Variants in PRDM2 observed in about 807,000 individuals in gnomAD.
PRDM2 encodes the protein PR/SET domain 2, also known as PR domain zinc finger protein 2.
A neutral mutation model predicts 130.0 loss-of-function variants in PRDM2; 30 were observed. The ratio of observed to expected loss-of-function variants is 0.23; its 90% CI spans 0.17 to 0.31. The LOEUF (loss-of-function observed/expected upper bound fraction) is 0.31, where lower values mean the gene tolerates loss of function less well. PRDM2 is among the 10% of genes least tolerant of loss of function. The pLI, the probability that PRDM2 is intolerant of heterozygous loss-of-function variation, is 1.00. For synonymous variants in PRDM2, 871 were observed against 782.4 expected (o/e 1.11, Z -1.89); for missense variants, 2,011 against 2,108.4 (o/e 0.95, Z 0.90).
In PRDM2 at chr1:13,735,730, C is replaced by G. The variant is rs75776247; in HGVS notation, c.231+2848C>G. Among the ~76,000 whole-genome samples, 329 of 152,212 alleles carry G rather than the reference C, an allele frequency of 2.2e-3. 7 individuals carry two copies. In the South Asian group the frequency reaches 0.048, roughly 22 times the overall value. ...ACCTGCACTGACATATCATTATTACCCAAAGTCCATAGTTTACATTAGCGG... is the reference window on the plus strand; with the variant it reads ...ACCTGCACTGACATATCATTATTACGCAAAGTCCATAGTTTACATTAGCGG... On this transcript the variant is annotated intron_variant, in intron 4 of 9. Transcript: ENST00000311066.
At position 13,749,501 on chromosome 1, in the gene PRDM2, GGCCCGCCC is replaced by G. The variant is rs775610644; in HGVS notation, c.511+20_511+27del. On this transcript the variant is annotated intron_variant, in intron 6 of 9. Coordinates refer to ENST00000311066, the MANE Select transcript of PRDM2 (RefSeq NM_001393986.1). ...AGAGCCGGAAAGGTAGGAGCCCCCCGGCCCGCCCGCCCGGCCCCGGCGCCACGCCCGCC... is the reference window on the plus strand; with the variant it reads ...AGAGCCGGAAAGGTAGGAGCCCCCCGGCCCGGCCCCGGCGCCACGCCCGCC... 8.0e-5 allele frequency: 108 copies of G among 1,344,794 alleles called. 2 individuals are homozygous for G. Among genetic ancestry groups the G allele is most frequent in the Non-Finnish European group, 6.1e-5 (62 of 1,024,392 alleles). The allele number at this position is 1,344,794 out of a possible 1,614,324, so 83.3% of individuals were successfully genotyped here. A position where few individuals can be genotyped will look rare whatever the true frequency, so the allele number is the denominator to read the frequency against.
chr1:13,782,448 C>G lies in PRDM2; in HGVS notation c.4653C>G (p.Phe1551Leu). Residue 1551 changes from phenylalanine to leucine, a missense_variant, in exon 8 of 10, where the codon TTC becomes TTG. Phe to Leu is a conservative substitution (Grantham distance 22). Transcript: ENST00000311066. Reference sequence around the variant, plus strand: ...AAGTCCCACTTCCCTCCTCATCCTTCAGGTCCAAGCAGAACGTCAAGTTTG... The same window carrying G: ...AAGTCCCACTTCCCTCCTCATCCTTGAGGTCCAAGCAGAACGTCAAGTTTG... ...PTQVPLPSSSFRSKQNVKFAA... is the reference protein window; with the variant it reads ...PTQVPLPSSSLRSKQNVKFAA... 1.2e-6 allele frequency: 2 copies of G among 1,614,076 alleles called. No homozygotes were observed. The highest frequency in any genetic ancestry group is 8.5e-7 in the Non-Finnish European group (1 of 1,180,028).
In PRDM2 at chr1:13,700,261, C is replaced by T; in HGVS notation, c.-105C>T. ...GCCGGCGAAACAGCGGCGGCGGCGG[C>T]GGCCCTCGGTGCTCTGAGGCGCTGG... On this transcript the variant is annotated 5_prime_UTR_variant, in exon 1 of 10. Coordinates refer to ENST00000311066, the MANE Select transcript of PRDM2 (RefSeq NM_001393986.1). 6.6e-6 allele frequency: 1 copy of T among 151,184 alleles called. No individual in the cohort carries two copies. The highest frequency in any genetic ancestry group is 1.5e-5 in the Non-Finnish European group (1 of 67,646). 9.4% of individuals were successfully genotyped at this position (151,184 alleles called of 1,614,324 possible). A position where few individuals can be genotyped will look rare whatever the true frequency, so the allele number is the denominator to read the frequency against.
At chr1:13,712,456 C>A (rs906416283) in intron 1 of PRDM2, among the ~76,000 whole-genome samples, 1 of 152,190 alleles carries the variant, frequency 6.6e-6, no homozygotes, top group South Asian at 2.1e-4. Context: ...CAGCTCCATC[C>A]TCCCATGCCC....
chr1:13,770,863 C>T lies in PRDM2; in HGVS notation c.512-2215C>T, dbSNP rs189247353. Reference sequence around the variant, plus strand: ...CTCTTCACATGGTAATAAAAGAAGCCGTGAATTTCCTCACACATCAGTTGC... The same window carrying T: ...CTCTTCACATGGTAATAAAAGAAGCTGTGAATTTCCTCACACATCAGTTGC... On this transcript the variant is annotated intron_variant, in intron 6 of 9. Coordinates refer to ENST00000311066, the MANE Select transcript of PRDM2 (RefSeq NM_001393986.1). 1.1e-3 allele frequency among the ~76,000 whole-genome samples: 171 copies of T among 152,240 alleles called. 6 individuals carry two copies. The East Asian group carries it at 0.028, about 25-fold the overall frequency.
intron 6 of PRDM2, chr1:13,772,205 T>C (rs1036107504): frequency 2.0e-5 from 3 of 152,128 alleles, no homozygotes; most frequent in South Asian, 2.1e-4. Flanking sequence ...TCCAGAAAAA[T>C]AGAAATCTGG....
Position 13,780,598 on chromosome 1 carries a change from G to A in PRDM2, c.2803G>A (p.Ala935Thr). 1.2e-6 allele frequency: 2 copies of A among 1,614,046 alleles called. No homozygotes were observed. Among genetic ancestry groups the A allele is most frequent in the South Asian group, 2.2e-5 (2 of 91,056 alleles). The change falls in exon 8 of 10, where the codon GCC becomes ACC. Residue 935 changes from alanine to threonine, a missense_variant. Transcript: ENST00000311066. ...PDLGPGSGFP[A>T]PTVESTPDVC... ...CCTCGGTCCGGGCTCTGGTTTCCCT[G>A]CCCCTACTGTTGAGTCCACACCTGA...
At chr1:13,785,121 G>A (rs1040110614) in intron 8 of PRDM2, among the ~76,000 whole-genome samples, 1 of 152,194 alleles carries the variant, frequency 6.6e-6, no homozygotes. Flanking sequence ...TCGTAGAGAG[G>A]AGGCCTCAGC....
intron 2 of PRDM2, among the ~76,000 whole-genome samples, chr1:13,723,060 G>C (rs764883025): frequency 6.6e-6 from 1 of 152,068 alleles, no homozygotes; most frequent in African/African-American, 2.4e-5. Context: ...CTTTCTTCCC[G>C]TCTCTATTCT....
intron 8 of PRDM2, among the ~76,000 whole-genome samples, chr1:13,810,825 C>T (rs1645161442): frequency 6.6e-6 from 1 of 152,060 alleles, no homozygotes; most frequent in Non-Finnish European, 1.5e-5. Flanking sequence ...CTTTGTGCTC[C>T]TTAGGGACAG....
At position 13,761,453 on chromosome 1, in the gene PRDM2, C is replaced by T. The variant is rs116880947; in HGVS notation, c.512-11625C>T. The stretch of plus-strand genomic sequence containing the variant: ...ATACCAGTTTTCCGGGAAGAAATGT[C>T]CCGATGATCTGTGCAGCATCTTGAC... On this transcript the variant is annotated intron_variant, in intron 6 of 9. Coordinates refer to ENST00000311066, the MANE Select transcript of PRDM2 (RefSeq NM_001393986.1). Among the ~76,000 whole-genome samples the T allele has an allele frequency of 3.9e-3, 596 of 152,210 alleles. 8 individuals carry two copies. The East Asian group carries it at 0.061, about 15-fold the overall frequency.
At chr1:13,776,619 A>T (rs1028764970) in intron 7 of PRDM2, among the ~76,000 whole-genome samples, 1 of 152,156 alleles carries the variant, frequency 6.6e-6, no homozygotes, top group Admixed American at 6.5e-5. Flanking sequence ...ATTTGTCCCC[A>T]CTACTCCACT....
At position 13,823,349 on chromosome 1, in the gene PRDM2, T is replaced by A. The variant is rs1046333; in HGVS notation, c.*214T>A. 0.75 allele frequency: 578,599 copies of A among 773,338 alleles called. 217,720 individuals are homozygous for A. Among genetic ancestry groups the A allele is most frequent in the Middle Eastern group, 0.79 (2,215 of 2,820 alleles). The allele number at this position is 773,338 out of a possible 1,614,324, so 47.9% of individuals were successfully genotyped here. A position where few individuals can be genotyped will look rare whatever the true frequency, so the allele number is the denominator to read the frequency against. On this transcript the variant is annotated 3_prime_UTR_variant, in exon 10 of 10. Transcript: ENST00000311066. ...AGTGGTCTTCAAACGAGGGTCCCGA[T>A]CCCCGGGGCGGCAGGAAGGGGGCCG...
intron 1 of PRDM2, among the ~76,000 whole-genome samples, chr1:13,703,040 A>G (rs997276835): frequency 2.0e-5 from 3 of 152,188 alleles, no homozygotes; most frequent in Non-Finnish European, 2.9e-5. Context: ...GCTGTCACCT[A>G]TGGTTACAAC....
At chr1:13,723,339 G>A (rs1219295079) in intron 2 of PRDM2, among the ~76,000 whole-genome samples, 1 of 152,150 alleles carries the variant, frequency 6.6e-6, no homozygotes, top group African/African-American at 2.4e-5. Flanking sequence ...GGGTGCAGGT[G>A]GGCAGGACCT....
chr1:13,733,416 TC>T (rs530914181), intron 4 of PRDM2, among the ~76,000 whole-genome samples: 131 of 152,330 alleles, frequency 8.6e-4, no homozygotes, highest in Non-Finnish European at 1.3e-3. Flanking sequence ...ATCTGCACAC[TC>T]CTTTGAGAGG....
At chr1:13,742,626 C>A (rs1296597192) in intron 5 of PRDM2, among the ~76,000 whole-genome samples, 1 of 152,190 alleles carries the variant, frequency 6.6e-6, no homozygotes, top group Non-Finnish European at 1.5e-5. Context: ...TATATGGTTA[C>A]CTGTGTGTGT....
In PRDM2 at chr1:13,751,656, A is replaced by T. The variant is rs534761399; in HGVS notation, c.511+2169A>T. ...TAAATGTCATTCAGAGGCAGTGTTA[A>T]CTTAGTATTGCTGAAAGCCGCATGT... On this transcript the variant is annotated intron_variant, in intron 6 of 9. Coordinates refer to ENST00000311066, the MANE Select transcript of PRDM2 (RefSeq NM_001393986.1). Among the ~76,000 whole-genome samples, 153 of 152,268 alleles carry T rather than the reference A, an allele frequency of 1.0e-3. 1 individual carries two copies. The highest frequency in any genetic ancestry group is 3.6e-3 in the African/African-American group (148 of 41,560).
At chr1:13,702,894 A>G (rs1365604755) in intron 1 of PRDM2, among the ~76,000 whole-genome samples, 1 of 152,156 alleles carries the variant, frequency 6.6e-6, no homozygotes, top group Non-Finnish European at 1.5e-5. Flanking sequence ...GTTGGGGGAA[A>G]ATCGTCAAAC....
Sources: allele counts gnomAD v4.1 joint callset (sites outside exome capture counted in the v4.1 genomes callset), GRCh38; gene constraint gnomAD v4.1.1; transcripts MANE v1.5; gene names NCBI Gene and HGNC (gene_info 2026-07-23, HGNC 2026-07-21).